CACNB2: variants seen among roughly 807,000 people sequenced by gnomAD.
CACNB2 encodes the protein voltage-dependent L-type calcium channel subunit beta-2.
In CACNB2, 42 loss-of-function variants were observed where a neutral mutation model predicts 73.3. The ratio of observed to expected loss-of-function variants is 0.57; its 90% CI spans 0.45 to 0.74. The LOEUF (loss-of-function observed/expected upper bound fraction) is 0.74, where lower values mean the gene tolerates loss of function less well. Ranked by LOEUF, CACNB2 falls within the 30% of genes least tolerant of loss-of-function variation. The pLI is 0.00. For synonymous variants in CACNB2, 348 were observed against 310.3 expected (o/e 1.12, Z -1.28); for missense variants, 940 against 853.0 (o/e 1.10, Z -1.27).
chr10:18,150,935 G>A lies in CACNB2; in HGVS notation c.173G>A (p.Ser58Asn), dbSNP rs1263785584. The A allele has an allele frequency of 1.3e-6, 2 of 1,546,778 alleles. No homozygotes were observed. The highest frequency in any genetic ancestry group is 1.5e-5 in the African/African-American group (1 of 67,982). The change falls in exon 2 of 14, where the codon AGC becomes AAC. Residue 58 changes from serine (S) to asparagine (N), a missense_variant. Ser to Asn is a conservative substitution (Grantham distance 46). Transcript: ENST00000324631. Reference sequence around the variant, plus strand: ...AACAGATTTAAAGGATCTGATGGAAGCACGTCATCTGATACTACCTCAAAT... The same window carrying A: ...AACAGATTTAAAGGATCTGATGGAAACACGTCATCTGATACTACCTCAAAT... ...RKNRFKGSDGSTSSDTTSNSF... is the reference protein window; with the variant it reads ...RKNRFKGSDGNTSSDTTSNSF...
rs572899238 is a variant in CACNB2 at position 18,399,700 on chromosome 10, T to A, written c.214-2224T>A. On this transcript the variant is annotated intron_variant, in intron 2 of 13. Transcript: ENST00000324631. ...AGCCAGCTGTGGTTCTTAAGTATTC[T>A]TAAGAACACTTTTTTTTTTCATTTT... is the stretch of plus-strand genomic sequence containing the variant. Among the ~76,000 whole-genome samples, 24 of 152,116 alleles carry A rather than the reference T, an allele frequency of 1.6e-4. 1 individual carries two copies. The highest frequency in any genetic ancestry group is 5.8e-4 in the African/African-American group (24 of 41,412).
At chr10:18,267,183 A>G (rs2037847123) in intron 2 of CACNB2, among the ~76,000 whole-genome samples, 2 of 85,430 alleles carry the variant, frequency 2.3e-5, no homozygotes, top group African/African-American at 1.0e-4. Context: ...ATAACTTCAT[A>G]TTTGGAACTG....
intron 2 of CACNB2, among the ~76,000 whole-genome samples, chr10:18,241,239 T>C (rs982002596): frequency 6.6e-6 from 1 of 152,218 alleles, no homozygotes; most frequent in African/African-American, 2.4e-5. Flanking sequence ...CTCCTAAGGC[T>C]GTGTCATGGG....
intron 3 of CACNB2, among the ~76,000 whole-genome samples, chr10:18,456,531 C>G (rs1210930763): frequency 3.9e-5 from 6 of 152,128 alleles, no homozygotes; most frequent in Admixed American, 6.6e-5. Flanking sequence ...AGATATAGTG[C>G]TAAACCATTC....
rs185479129 is a variant in CACNB2 at position 18,245,308 on chromosome 10, T to G, written c.213+94333T>G. Among the ~76,000 whole-genome samples, 22 of 152,222 alleles carry G rather than the reference T, an allele frequency of 1.4e-4. 1 individual carries two copies. The highest frequency in any genetic ancestry group is 2.6e-4 in the Admixed American group (4 of 15,296). On this transcript the variant is annotated intron_variant, in intron 2 of 13. Transcript: ENST00000324631. Reference sequence around the variant, plus strand: ...GCTGTAAGGAAACCTGCAGCACTGTTGCCTGTGTTCATTTTTTTGTTCTTA... The same window carrying G: ...GCTGTAAGGAAACCTGCAGCACTGTGGCCTGTGTTCATTTTTTTGTTCTTA...
chr10:18,177,578 CAAA>C (rs530495405), intron 2 of CACNB2, among the ~76,000 whole-genome samples: 1 of 135,118 alleles, frequency 7.4e-6, no homozygotes, highest in Non-Finnish European at 1.6e-5. Context: ...GACTCCATCT[CAAA>C]AAAAAAAAGA....
chr10:18,221,144 G>A (rs2035777049), intron 2 of CACNB2, among the ~76,000 whole-genome samples: 1 of 152,126 alleles, frequency 6.6e-6, no homozygotes, highest in South Asian at 2.1e-4. Flanking sequence ...TTGGTAAGAG[G>A]TTCTTTTGAA....
chr10:18,182,821 CAAA>C (rs66540356), intron 2 of CACNB2, among the ~76,000 whole-genome samples: 1 of 117,618 alleles, frequency 8.5e-6, no homozygotes. Context: ...GACTCTGTCT[CAAA>C]AAAAAAAAAA....
At chr10:18,358,509 T>C (rs2042013143) in intron 2 of CACNB2, among the ~76,000 whole-genome samples, 1 of 54,810 alleles carries the variant, frequency 1.8e-5, no homozygotes. Flanking sequence ...TCTCTCTCTC[T>C]CTCTCTCTCT....
chr10:18,281,070 C>T (rs1396955538), intron 2 of CACNB2, among the ~76,000 whole-genome samples: 1 of 152,212 alleles, frequency 6.6e-6, no homozygotes, highest in African/African-American at 2.4e-5. Flanking sequence ...CCTGGGCTAT[C>T]TGACTTGAAA....
At chr10:18,386,739 TG>T (rs2043252701) in intron 2 of CACNB2, among the ~76,000 whole-genome samples, 1 of 152,138 alleles carries the variant, frequency 6.6e-6, no homozygotes, top group Non-Finnish European at 1.5e-5. Context: ...TATAGTAAAA[TG>T]TATAGCTTTT....
At chr10:18,194,424 A>T (rs528108493) in intron 2 of CACNB2, among the ~76,000 whole-genome samples, 1 of 152,140 alleles carries the variant, frequency 6.6e-6, no homozygotes, top group Non-Finnish European at 1.5e-5. Flanking sequence ...TTTGTCAGGG[A>T]TTCTAGAATC....
At position 18,399,627 on chromosome 10, in the gene CACNB2, C is replaced by T. The variant is rs557315713; in HGVS notation, c.214-2297C>T. 5.2e-4 allele frequency among the ~76,000 whole-genome samples: 79 copies of T among 152,226 alleles called. 1 individual carries two copies. Among genetic ancestry groups the T allele is most frequent in the African/African-American group, 1.9e-3 (79 of 41,530 alleles). On this transcript the variant is annotated intron_variant, in intron 2 of 13. Coordinates refer to ENST00000324631, the MANE Select transcript of CACNB2 (RefSeq NM_201596.3). ...CGAACTCATGGGCTCAAGCAATCCT[C>T]CCACTTTGGCCTCCCAGAGTCCTAG...
chr10:18,247,669 C>A (rs2036921929), intron 2 of CACNB2, among the ~76,000 whole-genome samples: 1 of 152,130 alleles, frequency 6.6e-6, no homozygotes, highest in Admixed American at 6.5e-5. Flanking sequence ...GGTGGCTTAT[C>A]AAAAATGCAT....
chr10:18,487,410 G>A (rs1396802817), intron 3 of CACNB2, among the ~76,000 whole-genome samples: 4 of 152,092 alleles, frequency 2.6e-5, no homozygotes. Context: ...GCCTTACCGA[G>A]GACTCTCTTA....
intron 3 of CACNB2, among the ~76,000 whole-genome samples, chr10:18,407,107 G>GTTTTTTTTTTTTTTTT (rs1293331753): frequency 2.0e-5 from 1 of 49,564 alleles, no homozygotes; most frequent in Non-Finnish European, 4.1e-5. Context: ...CTGCTGTTCT[G>GTTTTTTTTTTTTTTTT]TCTTTTTTTT....
chr10:18,536,158 C>A lies in CACNB2; in HGVS notation c.1264C>A (p.Gln422Lys). 1 of 1,608,598 alleles carries A rather than the reference C, an allele frequency of 6.2e-7. No homozygotes were observed. Among genetic ancestry groups the A allele is most frequent in the Non-Finnish European group, 8.5e-7 (1 of 1,177,194 alleles). ...ATCTCAAGCTAAACACCTCAACGTC[C>A]AGATGGTAGCAGCTGATAAACTGGC... Reference protein sequence around the residue: ...GKSQAKHLNVQMVAADKLAQC... With the variant: ...GKSQAKHLNVKMVAADKLAQC... The change falls in exon 12 of 14, where the codon CAG becomes AAG. Residue 422 changes from glutamine to lysine, a missense_variant. Physicochemically the swap from Gln to Lys is moderately conservative, Grantham distance 53 (BLOSUM62 1). Coordinates refer to ENST00000324631, the MANE Select transcript of CACNB2 (RefSeq NM_201596.3).
rs1026186135 is a variant in CACNB2, at chr10:18,422,652, A to G, written c.333+20609A>G. Among the ~76,000 whole-genome samples, 6 of 152,150 alleles carry G rather than the reference A, an allele frequency of 3.9e-5. No individual in the cohort carries two copies. The East Asian group carries it at 1.2e-3, about 29-fold the overall frequency. ...TTTGTTTCTCTTGCCAAACATGTAC[A>G]ATTTGGCGTACCTGGGACTGAGGAA... On this transcript the variant is annotated intron_variant, in intron 3 of 13. Coordinates refer to ENST00000324631, the MANE Select transcript of CACNB2 (RefSeq NM_201596.3).
chr10:18,302,761 C>T (rs2039576854), intron 2 of CACNB2, among the ~76,000 whole-genome samples: 1 of 152,172 alleles, frequency 6.6e-6, no homozygotes, highest in Non-Finnish European at 1.5e-5. Context: ...GTGTATACTG[C>T]TCAGGTGATG....
Sources: gnomAD v4.1 joint callset for allele counts (sites outside exome capture counted in the v4.1 genomes callset) on GRCh38, gnomAD v4.1.1 for gene constraint, MANE v1.5 for transcripts, NCBI Gene and HGNC (gene_info 2026-07-23, HGNC 2026-07-21) for gene names.